POU2F3: variants seen among roughly 807,000 people sequenced by gnomAD.
POU2F3 encodes POU domain, class 2, transcription factor 3.
In POU2F3, 23 loss-of-function variants were observed where a neutral mutation model predicts 59.2. The ratio of observed to expected loss-of-function variants is 0.39; its 90% CI spans 0.28 to 0.55. POU2F3 has a LOEUF of 0.55. Among genes scored for constraint, POU2F3 ranks in the 20% least tolerant of loss-of-function variants. POU2F3 has a pLI of 0.66. For missense variants in POU2F3, 473 were observed against 544.5 expected (o/e 0.87, Z 1.31); for synonymous variants, 190 against 214.6 (o/e 0.89, Z 1.00).
At chr11:120,283,738 T>C (rs938257555) in intron 3 of POU2F3, among the ~76,000 whole-genome samples, 1 of 149,128 alleles carries the variant, frequency 6.7e-6, no homozygotes, top group Non-Finnish European at 1.5e-5. Context: ...ACTTACCCCC[T>C]CCACTACCTC....
At chr11:120,270,699 T>C (rs1230247367) in intron 3 of POU2F3, among the ~76,000 whole-genome samples, 1 of 152,140 alleles carries the variant, frequency 6.6e-6, no homozygotes, top group African/African-American at 2.4e-5. Flanking sequence ...ATGAAGTCAC[T>C]GTTTTGTTTT....
In POU2F3 at chr11:120,283,772, C is replaced by CGTGTGTGTGTGT. The variant is rs36099803; in HGVS notation, c.133-14456_133-14445dup. Among the ~76,000 whole-genome samples, 618 of 130,440 alleles carry CGTGTGTGTGTGT rather than the reference C, an allele frequency of 4.7e-3. 11 individuals carry two copies. The highest frequency in any genetic ancestry group is 6.2e-3 in the South Asian group (22 of 3,538). 85.6% of individuals were successfully genotyped at this position (130,440 alleles called of 152,430 possible). A position where few individuals can be genotyped will look rare whatever the true frequency, so the allele number is the denominator to read the frequency against. On this transcript the variant is annotated intron_variant, in intron 3 of 12. Coordinates refer to ENST00000543440, the MANE Select transcript of POU2F3 (RefSeq NM_014352.4). The stretch of plus-strand genomic sequence containing the variant: ...TCCACCTGTGTGCCTTAATAGGCTT[C>CGTGTGTGTGTGT]GTGTGTGTGTGTGTGTGTGTGTGTG...
intron 6 of POU2F3, 27 bp from the exon 7 acceptor site, chr11:120,305,003 G>A (rs746244295): frequency 6.9e-7 from 1 of 1,455,720 alleles, no homozygotes; most frequent in Non-Finnish European, 9.4e-7. Flanking sequence ...TCTTCGTGGT[G>A]GATCTGCTTG....
chr11:120,236,850 C>T (rs1055320321), upstream of POU2F3: 9 of 766,942 alleles, frequency 1.2e-5, no homozygotes, highest in Middle Eastern at 2.9e-4. Context: ...CCCCAGCCTT[C>T]TAAGCCTCAG....
chr11:120,236,832 A>T (rs1273605195), upstream of POU2F3: 1 of 948,108 alleles, frequency 1.1e-6, no homozygotes, highest in African/African-American at 1.6e-5. Context: ...GGTGGGACTT[A>T]GAGGGCACCC....
chr11:120,286,479 C>T (rs1472608105), intron 3 of POU2F3, among the ~76,000 whole-genome samples: 1 of 152,210 alleles, frequency 6.6e-6, no homozygotes, highest in Non-Finnish European at 1.5e-5. Context: ...TGAGCAGGTA[C>T]TATGCCTTTC....
chr11:120,305,880 C>G, intron 8 of POU2F3, 95 bp downstream of exon 8: 1 of 1,432,562 alleles, frequency 7.0e-7, no homozygotes, highest in Non-Finnish European at 9.5e-7. Context: ...AGTTTGATAC[C>G]TAACACCCCC....
At position 120,319,936 on chromosome 11, in the gene POU2F3, A is replaced by G. The variant is rs747861890; in HGVS notation, c.*1544A>G. The stretch of plus-strand genomic sequence containing the variant: ...TCCTAAATAAATGTGTATAGTGATT[A>G]TGAAAAGTATCCCACTGTTGATAAG... On this transcript the variant is annotated 3_prime_UTR_variant, in exon 13 of 13. Coordinates refer to ENST00000543440, the MANE Select transcript of POU2F3 (RefSeq NM_014352.4). 6.6e-5 allele frequency: 10 copies of G among 152,280 alleles called. No individual in the cohort carries two copies. The highest frequency in any genetic ancestry group is 1.3e-4 in the Non-Finnish European group (9 of 68,012). 9.4% of individuals were successfully genotyped at this position (152,280 alleles called of 1,614,324 possible). A position where few individuals can be genotyped will look rare whatever the true frequency, so the allele number is the denominator to read the frequency against.
Position 120,240,335 on chromosome 11 carries a change from T to C in POU2F3, c.-9T>C, listed in dbSNP as rs766481942. 8 of 1,394,476 alleles carry C rather than the reference T, an allele frequency of 5.7e-6. No homozygotes were observed. Among genetic ancestry groups the C allele is most frequent in the Middle Eastern group, 1.9e-4 (1 of 5,260 alleles). The allele number at this position is 1,394,476 out of a possible 1,614,324, so 86.4% of individuals were successfully genotyped here. ...GGGGGGCGCTGGCTTTGGCCCCGCC[T>C]GGGGCAGGATGGTGAATCTGGAGTC... On this transcript the variant is annotated 5_prime_UTR_variant, in exon 1 of 13. Coordinates refer to ENST00000543440, the MANE Select transcript of POU2F3 (RefSeq NM_014352.4).
chr11:120,277,742 A>G (rs1416514812), intron 3 of POU2F3, among the ~76,000 whole-genome samples: 1 of 152,188 alleles, frequency 6.6e-6, no homozygotes, highest in Non-Finnish European at 1.5e-5. Context: ...AGATCACACC[A>G]CTGCACTCCA....
At chr11:120,315,481 G>C (rs17245511) in intron 11 of POU2F3, 54 bp downstream of exon 11, 4 of 1,525,472 alleles carry the variant, frequency 2.6e-6, no homozygotes, top group South Asian at 1.1e-5. Context: ...TAAAAAATGG[G>C]ATATTAGAAC....
At position 120,305,091 on chromosome 11, in the gene POU2F3, A is replaced by C. The variant is rs750805864; in HGVS notation, c.506A>C (p.His169Pro). 35 of 1,613,830 alleles carry C rather than the reference A, an allele frequency of 2.2e-5. No homozygotes were observed. In the South Asian group the frequency reaches 3.8e-4, roughly 18 times the overall value. Residue 169 changes from histidine (H) to proline (P), a missense_variant, in exon 7 of 13, where the codon CAT (histidine) becomes CCT (proline). Coordinates refer to ENST00000543440, the MANE Select transcript of POU2F3 (RefSeq NM_014352.4). ...GAACCCCACCTGGAAGCATCCCAGC[A>C]TCTCCCAGTGCCCAAGCATCTACCC... ...SLEPHLEASQ[H>P]LPVPKHLPSS...
At chr11:120,303,191 G>A (rs1372208164) in intron 6 of POU2F3, 1 of 136,096 alleles carries the variant, frequency 7.3e-6, no homozygotes, top group African/African-American at 2.9e-5. Flanking sequence ...AAAGTACCTG[G>A]AGGGGAAGCT....
intron 3 of POU2F3, among the ~76,000 whole-genome samples, chr11:120,281,696 G>A (rs2135235017): frequency 6.6e-6 from 1 of 151,986 alleles, no homozygotes; most frequent in South Asian, 2.1e-4. Context: ...TCATCAGCAC[G>A]GACTGCTGTG....
intron 2 of POU2F3, among the ~76,000 whole-genome samples, chr11:120,260,512 G>A (rs7121693): frequency 0.029 from 4,448 of 152,338 alleles, 222 homozygotes; most frequent in African/African-American, 0.1. Flanking sequence ...TATTATGGCC[G>A]TCTTGGCCTA....
intron 3 of POU2F3, among the ~76,000 whole-genome samples, chr11:120,293,226 G>A (rs1941084167): frequency 1.3e-5 from 2 of 152,144 alleles, no homozygotes. Flanking sequence ...CCAGGGGCTG[G>A]ATGAGGTCAT....
At chr11:120,246,088 C>T (rs1319771450) in intron 1 of POU2F3, among the ~76,000 whole-genome samples, 2 of 152,120 alleles carry the variant, frequency 1.3e-5, no homozygotes, top group Non-Finnish European at 2.9e-5. Context: ...TTCCTCAGAT[C>T]CCAAAGGAAA....
chr11:120,309,468 A>C lies in POU2F3; in HGVS notation c.950A>C (p.Gln317Pro). The part of the protein sequence containing the change: ...SSEEISMIAE[Q>P]LSMEKEVVRV... Reference sequence around the variant, plus strand: ...GAGGAGATCTCCATGATTGCAGAGCAGTTGTCCATGGAGAAGGAGGTGGTG... The same window carrying C: ...GAGGAGATCTCCATGATTGCAGAGCCGTTGTCCATGGAGAAGGAGGTGGTG... Residue 317 changes from glutamine to proline, a missense_variant, in exon 10 of 13, where the codon CAG becomes CCG. By Grantham distance (76) the Gln-to-Pro change is moderately conservative (BLOSUM62 -1). Coordinates refer to ENST00000543440, the MANE Select transcript of POU2F3 (RefSeq NM_014352.4). 6.2e-7 allele frequency: 1 copy of C among 1,613,920 alleles called. No individual in the cohort carries two copies. Among genetic ancestry groups the C allele is most frequent in the Non-Finnish European group, 8.5e-7 (1 of 1,179,828 alleles).
intron 3 of POU2F3, among the ~76,000 whole-genome samples, chr11:120,280,455 C>T (rs1940515965): frequency 1.3e-5 from 2 of 152,166 alleles, no homozygotes; most frequent in Non-Finnish European, 2.9e-5. Context: ...TTAATCCTTA[C>T]AACAGCCTGG....
Sources: gnomAD v4.1 joint callset for allele counts (sites outside exome capture counted in the v4.1 genomes callset) on GRCh38, gnomAD v4.1.1 for gene constraint, MANE v1.5 for transcripts, NCBI Gene and HGNC (gene_info 2026-07-23, HGNC 2026-07-21) for gene names.